The following CDC6 variants were observed in gnomAD, a reference collection of about 807,000 sequenced individuals.
CDC6 encodes DNA replication factor CDC6.
In CDC6, 46 loss-of-function variants were observed where a neutral mutation model predicts 60.2. The observed-to-expected ratio is 0.76, with a 90% confidence interval of 0.60 to 0.98. CDC6 has a LOEUF of 0.98. Ranked by LOEUF, CDC6 falls within the 50% of genes least tolerant of loss-of-function variation. CDC6 has a pLI of 0.00. For synonymous variants in CDC6, 210 were observed against 233.2 expected, an observed-to-expected ratio of 0.90 and a Z score of 0.90; for missense variants, 596 against 652.9, an observed-to-expected ratio of 0.91 and a Z score of 0.95.
intron 4 of CDC6, among the ~76,000 whole-genome samples, chr17:40,292,766 A>G (rs534821099): frequency 4.0e-5 from 6 of 151,746 alleles, no homozygotes; most frequent in Admixed American, 6.6e-5. Context: ...CGTCTCTACT[A>G]AAAATACAAA....
Position 40,293,992 on chromosome 17 carries a change from C to A in CDC6, c.879C>A (p.Gly293=). The A allele has an allele frequency of 6.2e-7, 1 of 1,614,022 alleles. No individual in the cohort carries two copies. The highest frequency in any genetic ancestry group is 8.5e-7 in the Non-Finnish European group (1 of 1,179,946). The stretch of plus-strand genomic sequence containing the variant: ...AGATGGATCAACTGGACAGCAAAGG[C>A]CAGGATGTATTGTACACGCTATTTG... ...LDEMDQLDSK[G]QDVLYTLFEW... Residue 293 remains glycine (G), a synonymous_variant, in exon 6 of 12, where the codon GGC becomes GGA. Coordinates refer to ENST00000209728, the MANE Select transcript of CDC6 (RefSeq NM_001254.4).
chr17:40,301,449 C>T lies in CDC6; in HGVS notation c.1453-19C>T. 6.2e-7 allele frequency: 1 copy of T among 1,613,382 alleles called. No individual in the cohort carries two copies. The highest frequency in any genetic ancestry group is 8.5e-7 in the Non-Finnish European group (1 of 1,179,302). On this transcript the variant is annotated intron_variant, in intron 10 of 11. Transcript: ENST00000209728. The stretch of plus-strand genomic sequence containing the variant: ...ATGTGACTTTTAAGCAGCGTTTGTT[C>T]TCCCTTGTTTCCTACCAGTTATATG...
At chr17:40,288,690 T>TTC (rs2032701148) in intron 1 of CDC6, among the ~76,000 whole-genome samples, 1 of 151,702 alleles carries the variant, frequency 6.6e-6, no homozygotes, top group Non-Finnish European at 1.5e-5. Flanking sequence ...GTTCATGCCA[T>TTC]TCTCCTGCCT....
intron 9 of CDC6, among the ~76,000 whole-genome samples, chr17:40,297,716 C>T (rs896495544): frequency 2.6e-5 from 4 of 152,108 alleles, no homozygotes; most frequent in Admixed American, 1.3e-4. Context: ...TGCAGTGAGC[C>T]GAGATGGTGC....
intron 2 of CDC6, among the ~76,000 whole-genome samples, chr17:40,289,832 C>T (rs2032725745): frequency 6.6e-6 from 1 of 151,124 alleles, no homozygotes; most frequent in South Asian, 2.1e-4. Context: ...CCTCAGCCTC[C>T]CAAGTAGCTG....
chr17:40,298,584 TG>T (rs2032893353), intron 9 of CDC6, among the ~76,000 whole-genome samples: 1 of 151,852 alleles, frequency 6.6e-6, no homozygotes, highest in Admixed American at 6.6e-5. Context: ...GTAGAGTCAG[TG>T]GGTGGAGGAG....
At chr17:40,297,458 TCA>T (rs925055898) in intron 9 of CDC6, among the ~76,000 whole-genome samples, 11 of 151,972 alleles carry the variant, frequency 7.2e-5, no homozygotes, top group African/African-American at 9.7e-5. Flanking sequence ...GAGGGGAACA[TCA>T]CACACCGGAG....
Position 40,293,469 on chromosome 17 carries a change from G to A in CDC6, c.674G>A (p.Gly225Asp). 2 of 1,613,960 alleles carry A rather than the reference G, an allele frequency of 1.2e-6. No homozygotes were observed. The highest frequency in any genetic ancestry group is 1.7e-6 in the Non-Finnish European group (2 of 1,179,894). Residue 225 changes from glycine (G) to aspartate (D), a missense_variant, in exon 5 of 12, where the codon GGC becomes GAC. Gly to Asp is a moderately conservative substitution (Grantham distance 94). Coordinates refer to ENST00000209728, the MANE Select transcript of CDC6 (RefSeq NM_001254.4). ...TTTTTTTTCCAGAAGGAACTGAAAG[G>A]CTTTAAAACTATCATGCTGAATTGC... ...ILQDLKKELK[G>D]FKTIMLNCMS...
At chr17:40,288,906 G>A (rs1035116880) in intron 1 of CDC6, among the ~76,000 whole-genome samples, 1 of 151,630 alleles carries the variant, frequency 6.6e-6, no homozygotes, top group African/African-American at 2.4e-5. Flanking sequence ...TCTCCATGTT[G>A]GTCAGGCTGG....
intron 1 of CDC6, among the ~76,000 whole-genome samples, chr17:40,288,942 C>T (rs1292837019): frequency 6.6e-6 from 1 of 152,060 alleles, no homozygotes; most frequent in Non-Finnish European, 1.5e-5. Flanking sequence ...CTCAGGTGAT[C>T]CGCCCGCCTC....
At chr17:40,301,133 T>A in intron 10 of CDC6, 103 bp downstream of exon 10, 1 of 844,098 alleles carries the variant, frequency 1.2e-6, no homozygotes, top group Admixed American at 1.8e-5. Context: ...GATAATAAAT[T>A]TAAAATGGAT....
rs1567738442 is a variant in CDC6 at position 40,304,125 on chromosome 17, A to G, written c.*2124A>G. ...TTCCCTTTCCCCTGGTTTTGGAAAT[A>G]GAGTTTTCTGTCTACTGATTTGTTA... On this transcript the variant is annotated 3_prime_UTR_variant, in exon 12 of 12. Transcript: ENST00000209728. 1 of 152,214 alleles carries G rather than the reference A, an allele frequency of 6.6e-6. No homozygotes were observed. Among genetic ancestry groups the G allele is most frequent in the African/African-American group, 2.4e-5 (1 of 41,448 alleles). The allele number at this position is 152,214 out of a possible 1,614,324, so 9.4% of individuals were successfully genotyped here.
At position 40,289,521 on chromosome 17, in the gene CDC6, TA is replaced by T; in HGVS notation, c.102del (p.Glu35AsnfsTer8). ...GCTAAAAACTCCAGTGATGCCAAAC[TA>T]GAACCAACAAATGTCCAAACCGTAA... ...NKAKNSSDAKLEPTNVQTVTC... is the reference protein window; with the variant it reads ...NKAKNSSDAKXEPTNVQTVTC... On this transcript the variant is annotated frameshift_variant, in exon 2 of 12. Transcript: ENST00000209728. LOFTEE classifies it high-confidence loss of function. The T allele has an allele frequency of 6.2e-7, 1 of 1,614,034 alleles. No homozygotes were observed. The highest frequency in any genetic ancestry group is 8.5e-7 in the Non-Finnish European group (1 of 1,179,976).
At chr17:40,299,957 T>C (rs561500026) in intron 9 of CDC6, among the ~76,000 whole-genome samples, 8 of 151,882 alleles carry the variant, frequency 5.3e-5, no homozygotes, top group Non-Finnish European at 1.2e-4. Context: ...ATTTTCCAAC[T>C]TTTTTTTCCC....
Position 40,294,511 on chromosome 17 carries a change from C to T in CDC6, c.1083+8C>T. On this transcript the variant is annotated splice_region_variant and intron_variant, in intron 7 of 11. Transcript: ENST00000209728. ...CAAGATCGACTTAATCAGGTCAGTGCCAACTATTTTGCCAAATTATGTGTT... is the reference window on the plus strand; with the variant it reads ...CAAGATCGACTTAATCAGGTCAGTGTCAACTATTTTGCCAAATTATGTGTT... The T allele has an allele frequency of 6.2e-7, 1 of 1,613,630 alleles. No individual in the cohort carries two copies. The highest frequency in any genetic ancestry group is 8.5e-7 in the Non-Finnish European group (1 of 1,179,668).
chr17:40,300,359 T>G (rs752635554), intron 9 of CDC6, among the ~76,000 whole-genome samples: 1 of 152,214 alleles, frequency 6.6e-6, no homozygotes, highest in Admixed American at 6.5e-5. Context: ...TAGCCTGGCA[T>G]GGTGGCACGT....
chr17:40,299,762 A>G (rs1266353590), intron 9 of CDC6, among the ~76,000 whole-genome samples: 4 of 151,960 alleles, frequency 2.6e-5, no homozygotes, highest in African/African-American at 9.7e-5. Flanking sequence ...AAAAAAAAAA[A>G]AAAAAAGATG....
Position 40,289,436 on chromosome 17 carries a change from T to A in CDC6, c.16T>A (p.Ser6Thr). The change falls in exon 2 of 12, where the codon TCC becomes ACC. Residue 6 changes from serine (S) to threonine (T), a missense_variant. Transcript: ENST00000209728. The part of the protein sequence containing the change: MPQTR[S>T]QAQATISFPK... The stretch of plus-strand genomic sequence containing the variant: ...TGCTGTCGTCATGCCTCAAACCCGA[T>A]CCCAGGCACAGGCTACAATCAGTTT... 1 of 1,613,992 alleles carries A rather than the reference T, an allele frequency of 6.2e-7. No homozygotes were observed.
At chr17:40,291,717 G>A (rs370624534) in intron 4 of CDC6, 49 bp downstream of exon 4, 5 of 1,536,610 alleles carry the variant, frequency 3.3e-6, no homozygotes, top group Admixed American at 3.3e-5. Flanking sequence ...TGATACTTGG[G>A]TGTTTTTGTT....
Sources: allele counts gnomAD v4.1 joint callset (sites outside exome capture counted in the v4.1 genomes callset), GRCh38; gene constraint gnomAD v4.1.1; transcripts MANE v1.5; gene names NCBI Gene and HGNC (gene_info 2026-07-23, HGNC 2026-07-21).